RORA: variants seen among roughly 807,000 people sequenced by gnomAD.
RORA encodes RAR related orphan receptor A.
A neutral mutation model predicts 69.5 loss-of-function variants in RORA; 7 were observed. The observed-to-expected ratio is 0.10, with a 90% CI of 0.06 to 0.19. The LOEUF (loss-of-function observed/expected upper bound fraction) is 0.19, where lower values mean the gene tolerates loss of function less well. RORA is among the 10% of genes least tolerant of loss of function. The probability of loss-of-function intolerance (pLI) is 1.00; values close to 1 mark genes in which losing one functional copy is unlikely to be tolerated. For synonymous variants in RORA, 261 were observed against 240.8 expected (o/e 1.08, Z -0.78); for missense variants, 457 against 663.0 (o/e 0.69, Z 3.41).
At chr15:61,109,411 T>C (rs1274727895) in intron 1 of RORA, among the ~76,000 whole-genome samples, 1 of 152,150 alleles carries the variant, frequency 6.6e-6, no homozygotes, top group Non-Finnish European at 1.5e-5. Context: ...CCACGGGATT[T>C]ATCCTGGTAC....
At chr15:60,887,848 T>G (rs192819163) in intron 1 of RORA, among the ~76,000 whole-genome samples, 1 of 152,324 alleles carries the variant, frequency 6.6e-6, no homozygotes, top group African/African-American at 2.4e-5. Flanking sequence ...AATGGTATTT[T>G]GTTCCACGTA....
intron 1 of RORA, among the ~76,000 whole-genome samples, chr15:61,180,808 AC>A (rs2079677642): frequency 6.6e-6 from 1 of 152,162 alleles, no homozygotes; most frequent in South Asian, 2.1e-4. Context: ...AAAAATCCAC[AC>A]AAAGAAAGGC....
chr15:60,737,390 A>T (rs2071515559), intron 1 of RORA, among the ~76,000 whole-genome samples: 1 of 152,184 alleles, frequency 6.6e-6, no homozygotes. Flanking sequence ...ACCTATTGGC[A>T]AAAAGACCAA....
intron 1 of RORA, among the ~76,000 whole-genome samples, chr15:60,731,907 G>A (rs977017866): frequency 2.6e-5 from 4 of 152,196 alleles, no homozygotes; most frequent in Admixed American, 6.5e-5. Flanking sequence ...ATCTGCAGAG[G>A]AGGACACGTC....
At chr15:61,053,996 T>TA (rs1382098999) in intron 1 of RORA, among the ~76,000 whole-genome samples, 1 of 151,714 alleles carries the variant, frequency 6.6e-6, no homozygotes, top group Non-Finnish European at 1.5e-5. Flanking sequence ...CCTTTCAAAG[T>TA]AAATAAAGGA....
chr15:60,914,337 C>T (rs117345327), intron 1 of RORA, among the ~76,000 whole-genome samples: 4,075 of 152,246 alleles, frequency 0.027, 74 homozygotes, highest in South Asian at 0.051. Context: ...AATGCAGGCT[C>T]CTAGCCACAG....
chr15:61,164,086 G>A (rs1018380789), intron 1 of RORA, among the ~76,000 whole-genome samples: 1 of 151,972 alleles, frequency 6.6e-6, no homozygotes, highest in African/African-American at 2.4e-5. Context: ...GAGTGTAGGT[G>A]TCTGTGCATC....
At chr15:60,759,502 G>C (rs939036917) in intron 1 of RORA, among the ~76,000 whole-genome samples, 1 of 152,158 alleles carries the variant, frequency 6.6e-6, no homozygotes, top group African/African-American at 2.4e-5. Context: ...TCCCACAAGA[G>C]AATAATGAGG....
chr15:61,035,157 A>AT (rs1396763860), intron 1 of RORA, among the ~76,000 whole-genome samples: 2 of 151,906 alleles, frequency 1.3e-5, no homozygotes, highest in Admixed American at 6.6e-5. Context: ...TTAACAACTC[A>AT]TTTTTTTCCC....
At position 60,645,797 on chromosome 15, in the gene RORA, GTT is replaced by G. The variant is rs11332010; in HGVS notation, c.196+32858_196+32859del. 7.1e-3 allele frequency among the ~76,000 whole-genome samples: 990 copies of G among 139,732 alleles called. 11 individuals are homozygous for G. The highest frequency in any genetic ancestry group is 0.025 in the African/African-American group (892 of 36,230). The allele number at this position is 139,732 out of a possible 152,430, so 91.7% of individuals were successfully genotyped here. A position where few individuals can be genotyped will look rare whatever the true frequency, so the allele number is the denominator to read the frequency against. On this transcript the variant is annotated intron_variant, in intron 2 of 10. Coordinates refer to ENST00000335670, the MANE Select transcript of RORA (RefSeq NM_134261.3). Reference sequence around the variant, plus strand: ...GCAGTAAAATGTTCAGTGAAATAGGGTTTTTTTTTTTTTTTAAAAAATTAAGG... The same window carrying G: ...GCAGTAAAATGTTCAGTGAAATAGGGTTTTTTTTTTTTTAAAAAATTAAGG...
At chr15:61,200,873 A>G (rs1185563034) in intron 1 of RORA, among the ~76,000 whole-genome samples, 1 of 152,152 alleles carries the variant, frequency 6.6e-6, no homozygotes, top group Non-Finnish European at 1.5e-5. Context: ...GACTGGATTC[A>G]CTTTCTCATA....
intron 1 of RORA, among the ~76,000 whole-genome samples, chr15:60,985,786 T>C (rs768798731): frequency 9.2e-5 from 14 of 152,044 alleles, no homozygotes; most frequent in Non-Finnish European, 1.8e-4. Flanking sequence ...GGTTTCACCA[T>C]GTTGGCCAGG....
intron 1 of RORA, among the ~76,000 whole-genome samples, chr15:60,729,209 C>T (rs1374987554): frequency 6.6e-6 from 1 of 152,144 alleles, no homozygotes; most frequent in Non-Finnish European, 1.5e-5. Flanking sequence ...TGAGTTCCTC[C>T]CACCTCTGTT....
At chr15:61,122,311 G>C (rs556137925) in intron 1 of RORA, among the ~76,000 whole-genome samples, 1 of 152,294 alleles carries the variant, frequency 6.6e-6, no homozygotes, top group Non-Finnish European at 1.5e-5. Context: ...TGAGAACTAA[G>C]GGAAGCATTT....
rs535199766 is a variant in RORA at position 61,137,976 on chromosome 15, A to G, written c.166+91077T>C. Among the ~76,000 whole-genome samples the G allele has an allele frequency of 1.1e-3, 166 of 152,342 alleles. 1 individual carries two copies. Among genetic ancestry groups the G allele is most frequent in the African/African-American group, 3.9e-3 (162 of 41,586 alleles). On this transcript the variant is annotated intron_variant, in intron 1 of 10. Coordinates refer to ENST00000335670, the MANE Select transcript of RORA (RefSeq NM_134261.3). The stretch of plus-strand genomic sequence containing the variant: ...GAAAACATACTTACCCTGGAAAGAG[A>G]CATACAGGGGGCCATTAACCTATAG...
At chr15:61,070,186 A>T (rs933127657) in intron 1 of RORA, among the ~76,000 whole-genome samples, 2 of 152,204 alleles carry the variant, frequency 1.3e-5, no homozygotes, top group African/African-American at 2.4e-5. Flanking sequence ...CAACTTGTGC[A>T]TGACTCAAAT....
chr15:60,772,550 G>C (rs977787409), intron 1 of RORA, among the ~76,000 whole-genome samples: 10 of 152,054 alleles, frequency 6.6e-5, no homozygotes, highest in African/African-American at 2.4e-4. Context: ...CCTCGTATGG[G>C]TACCCACACC....
intron 1 of RORA, among the ~76,000 whole-genome samples, chr15:61,035,965 T>C (rs1896438984): frequency 6.6e-6 from 1 of 152,126 alleles, no homozygotes; most frequent in Non-Finnish European, 1.5e-5. Context: ...GGGAATGGTA[T>C]GTGGAAGATG....
At chr15:60,773,932 T>C (rs1309649963) in intron 1 of RORA, among the ~76,000 whole-genome samples, 2 of 152,244 alleles carry the variant, frequency 1.3e-5, no homozygotes, top group East Asian at 1.9e-4. Flanking sequence ...GACTTGAGGA[T>C]AGCTATACCT....
Sources: allele counts gnomAD v4.1 joint callset (sites outside exome capture counted in the v4.1 genomes callset), GRCh38; gene constraint gnomAD v4.1.1; transcripts MANE v1.5; gene names NCBI Gene and HGNC (gene_info 2026-07-23, HGNC 2026-07-21).